The following PON2 variants were observed in gnomAD, a reference collection of about 807,000 sequenced individuals.
PON2 encodes serum paraoxonase/arylesterase 2.
In PON2, 27 loss-of-function variants were observed where a neutral mutation model predicts 36.6. The ratio of observed to expected loss-of-function variants is 0.74; its 90% CI spans 0.54 to 1.02. The LOEUF is 1.02. Ranked by LOEUF, PON2 falls within the 50% of genes least tolerant of loss-of-function variation. The pLI, the probability that PON2 is intolerant of heterozygous loss-of-function variation, is 0.00. For missense variants in PON2, 363 were observed against 421.1 expected, an observed-to-expected ratio of 0.86 and a Z score of 1.21; for synonymous variants, 149 against 156.3, an observed-to-expected ratio of 0.95 and a Z score of 0.35.
chr7:95,412,610 C>A, intron 3 of PON2, 133 bp from the exon 4 acceptor site: 1 of 863,576 alleles, frequency 1.2e-6, no homozygotes, highest in Non-Finnish European at 1.8e-6. Flanking sequence ...ACTCAAAAAA[C>A]AGAGAAAAGA....
intron 2 of PON2, among the ~76,000 whole-genome samples, chr7:95,417,038 A>G (rs1789079034): frequency 6.6e-6 from 1 of 152,240 alleles, no homozygotes; most frequent in Admixed American, 6.5e-5. Flanking sequence ...TATAAATTCT[A>G]CAGACAGATA....
At chr7:95,418,545 T>C (rs1443624962) in intron 2 of PON2, 1 of 152,246 alleles carries the variant, frequency 6.6e-6, no homozygotes, top group East Asian at 1.9e-4. Context: ...CCCTGAAGTT[T>C]TGCTTCCAAG....
rs769636518 is a variant in PON2 at position 95,405,384 on chromosome 7, A to G, written c.1011T>C (p.Asp337=). 2.5e-6 allele frequency: 4 copies of G among 1,614,032 alleles called. No homozygotes were observed. The highest frequency in any genetic ancestry group is 1.7e-4 in the Middle Eastern group (1 of 6,058). The change falls in exon 9 of 9, where the codon GAT becomes GAC. Residue 337 remains aspartate, a synonymous_variant. Transcript: ENST00000222572. ...ATAAAGTGCCTATGAGCAGCTTCCC[A>G]TCATACACTGAGGCTACAGAACTTC... The part of the protein sequence containing the change: ...LQGSSVASVY[D]GKLLIGTLYH...
chr7:95,424,335 G>A, intron 2 of PON2, 180 bp downstream of exon 2: 2 of 617,458 alleles, frequency 3.2e-6, no homozygotes, highest in Non-Finnish European at 5.7e-6. Context: ...AGTGAGGGTA[G>A]GAAAGAAGAA....
intron 2 of PON2, among the ~76,000 whole-genome samples, chr7:95,422,356 G>A (rs1789212282): frequency 6.6e-6 from 1 of 152,120 alleles, no homozygotes. Context: ...TATCTTTGGG[G>A]TTATTTCTGT....
At chr7:95,434,798 C>A (rs1016558308) in intron 1 of PON2, 80 bp downstream of exon 1, 4 of 1,470,016 alleles carry the variant, frequency 2.7e-6, no homozygotes, top group East Asian at 2.7e-5. Flanking sequence ...ATCCCTCCCC[C>A]AGCCTGCGCC....
Position 95,424,596 on chromosome 7 carries a change from GA to G in PON2, c.75-12del, listed in dbSNP as rs754815103. 35 of 1,574,108 alleles carry G rather than the reference GA, an allele frequency of 2.2e-5. No individual in the cohort carries two copies. Among genetic ancestry groups the G allele is most frequent in the Non-Finnish European group, 2.9e-5 (34 of 1,155,350 alleles). ...GCTTTAAGTCGATTTCTGTTACAAA[GA>G]AAAAAAAACAAAAAACAAAAAACTA... On this transcript the variant is annotated splice_polypyrimidine_tract_variant and intron_variant, in intron 1 of 8. Transcript: ENST00000222572.
At chr7:95,417,600 ACG>A (rs1374281576) in intron 2 of PON2, among the ~76,000 whole-genome samples, 1 of 150,006 alleles carries the variant, frequency 6.7e-6, no homozygotes, top group African/African-American at 2.4e-5. Context: ...CTCTAGTTCC[ACG>A]GTGGTTGTCC....
chr7:95,424,261 G>A (rs371638028), intron 2 of PON2: 6 of 513,256 alleles, frequency 1.2e-5, no homozygotes, highest in South Asian at 1.1e-4. Flanking sequence ...GTTCAGAGAA[G>A]TCACAAAACA....
intron 3 of PON2, chr7:95,413,221 G>C (rs934703281): frequency 6.6e-6 from 1 of 152,172 alleles, no homozygotes; most frequent in Non-Finnish European, 1.5e-5. Flanking sequence ...TTGAGCGCAG[G>C]AGTTTAGGAG....
chr7:95,413,269 T>C (rs1201721390), intron 3 of PON2, among the ~76,000 whole-genome samples: 1 of 152,092 alleles, frequency 6.6e-6, no homozygotes, highest in Non-Finnish European at 1.5e-5. Flanking sequence ...CTACTGCACA[T>C]CAGCCTGGGC....
chr7:95,405,589 G>A (rs1809662917), intron 8 of PON2, 101 bp from the exon 9 acceptor site: 1 of 1,164,292 alleles, frequency 8.6e-7, no homozygotes, highest in Non-Finnish European at 1.3e-6. Context: ...TGATTAAGGG[G>A]ACATGCTGTT....
At chr7:95,428,974 A>T (rs1410231925) in intron 1 of PON2, among the ~76,000 whole-genome samples, 1 of 152,196 alleles carries the variant, frequency 6.6e-6, no homozygotes, top group Non-Finnish European at 1.5e-5. Context: ...AATTAGTCCA[A>T]GGTTTCAGGT....
At chr7:95,411,540 CA>C (rs1585748339) in intron 5 of PON2, 112 bp downstream of exon 5, 2 of 1,287,488 alleles carry the variant, frequency 1.6e-6, no homozygotes. Context: ...TTAGCTCTTA[CA>C]TATTAGCTAA....
chr7:95,408,026 T>C (rs1809750725), intron 6 of PON2, among the ~76,000 whole-genome samples: 1 of 152,014 alleles, frequency 6.6e-6, no homozygotes, highest in African/African-American at 2.4e-5. Flanking sequence ...AAAAGGGAGG[T>C]TGGAGGTGGC....
chr7:95,407,961 A>G (rs570328263), intron 6 of PON2, among the ~76,000 whole-genome samples: 11 of 152,304 alleles, frequency 7.2e-5, no homozygotes, highest in African/African-American at 2.2e-4. Flanking sequence ...AAGAGGAAGG[A>G]ATGTTTAAAA....
chr7:95,434,865 G>C lies in PON2; in HGVS notation c.74+13C>G. 1 of 1,538,718 alleles carries C rather than the reference G, an allele frequency of 6.5e-7. No individual in the cohort carries two copies. Among genetic ancestry groups the C allele is most frequent in the Non-Finnish European group, 8.7e-7 (1 of 1,144,670 alleles). ...GGGACCGCCGAGGAGGGGCGCGCGG[G>C]AGTCCCACCTACCTGAGTGCCAGAA... is the stretch of plus-strand genomic sequence containing the variant. On this transcript the variant is annotated intron_variant, in intron 1 of 8. Coordinates refer to ENST00000222572, the MANE Select transcript of PON2 (RefSeq NM_000305.3).
Position 95,410,041 on chromosome 7 carries a change from G to A in PON2, c.555C>T (p.Phe185=). 1 of 1,613,840 alleles carries A rather than the reference G, an allele frequency of 6.2e-7. No homozygotes were observed. Among genetic ancestry groups the A allele is most frequent in the Non-Finnish European group, 8.5e-7 (1 of 1,179,842 alleles). The stretch of plus-strand genomic sequence containing the variant: ...CTAAATACTTTAAGAAAGGATCAGA[G>A]AAGTAGTGGTCATTTGTGGCATAGA... ...AHFYATNDHY[F]SDPFLKYLET... Residue 185 remains phenylalanine, a synonymous_variant, in exon 6 of 9, where the codon TTC becomes TTT. Coordinates refer to ENST00000222572, the MANE Select transcript of PON2 (RefSeq NM_000305.3).
intron 6 of PON2, chr7:95,409,636 T>G (rs113144874): frequency 0.011 from 1,601 of 152,068 alleles, 28 homozygotes; most frequent in African/African-American, 0.036. Context: ...ACTTTATATA[T>G]TATATATAAA....
Sources: gnomAD v4.1 joint callset for allele counts (sites outside exome capture counted in the v4.1 genomes callset) on GRCh38, gnomAD v4.1.1 for gene constraint, MANE v1.5 for transcripts, NCBI Gene and HGNC (gene_info 2026-07-23, HGNC 2026-07-21) for gene names.